SUPT3H: variants seen among roughly 807,000 people sequenced by gnomAD.
SUPT3H encodes the protein SPT3 homolog, SAGA and STAGA complex component.
Under a neutral mutation model 44.3 loss-of-function variants are expected in SUPT3H, and 44 were observed. That is an observed-to-expected ratio of 0.99 (90% CI 0.78 to 1.28). The LOEUF (loss-of-function observed/expected upper bound fraction) is 1.28. SUPT3H is among the 50% of genes most tolerant of loss of function. SUPT3H has a pLI of 0.00. For synonymous variants in SUPT3H, 124 were observed against 125.6 expected (o/e 0.99, Z 0.09); for missense variants, 380 against 387.1 (o/e 0.98, Z 0.15).
intron 6 of SUPT3H, among the ~76,000 whole-genome samples, chr6:44,971,788 C>A (rs1777607004): frequency 6.6e-6 from 1 of 152,140 alleles, no homozygotes; most frequent in South Asian, 2.1e-4. Context: ...TTTGTTTTTT[C>A]TTGAGACGGA....
intron 8 of SUPT3H, among the ~76,000 whole-genome samples, chr6:44,953,649 C>T (rs1774658414): frequency 1.3e-5 from 2 of 152,168 alleles, no homozygotes; most frequent in African/African-American, 4.8e-5. Context: ...GTCACTAGTG[C>T]AAATTTCTGG....
chr6:44,990,239 A>C (rs550574781), intron 6 of SUPT3H, among the ~76,000 whole-genome samples: 2 of 152,102 alleles, frequency 1.3e-5, no homozygotes, highest in South Asian at 4.2e-4. Context: ...TGAAGAGACT[A>C]TCCTTTCCCC....
chr6:45,376,860 T>C (rs144653261), intron 1 of SUPT3H, among the ~76,000 whole-genome samples: 489 of 152,282 alleles, frequency 3.2e-3, no homozygotes, highest in Non-Finnish European at 4.8e-3. Flanking sequence ...CATACATACA[T>C]ATATACACAT....
chr6:44,944,762 CAAAAAAAAAAAA>C (rs57506313), intron 9 of SUPT3H, among the ~76,000 whole-genome samples: 9,484 of 30,934 alleles, frequency 0.31, 1,053 homozygotes, highest in African/African-American at 0.47. Context: ...ACCCTCTCTC[CAAAAAAAAAAAA>C]AAAAAAAAAA....
chr6:45,205,579 T>C (rs1459412853), intron 2 of SUPT3H, among the ~76,000 whole-genome samples: 1 of 152,026 alleles, frequency 6.6e-6, no homozygotes, highest in Non-Finnish European at 1.5e-5. Context: ...GGCGGATCAC[T>C]TGAGGTCAGG....
intron 6 of SUPT3H, among the ~76,000 whole-genome samples, chr6:45,002,550 C>G (rs949861413): frequency 6.6e-6 from 1 of 152,014 alleles, no homozygotes; most frequent in Non-Finnish European, 1.5e-5. Context: ...TGCCACTAAA[C>G]AACCATATCC....
At chr6:45,236,989 G>A (rs1769288196) in intron 2 of SUPT3H, among the ~76,000 whole-genome samples, 1 of 152,090 alleles carries the variant, frequency 6.6e-6, no homozygotes, top group Non-Finnish European at 1.5e-5. Context: ...AGACTACAAT[G>A]GGCAAATTCA....
chr6:45,363,953 A>G (rs977436754), intron 2 of SUPT3H, among the ~76,000 whole-genome samples: 5 of 151,882 alleles, frequency 3.3e-5, no homozygotes, highest in Non-Finnish European at 5.9e-5. Flanking sequence ...TGTCTCTACT[A>G]AAAATACAAA....
At chr6:45,005,508 G>A (rs1051689156) in intron 5 of SUPT3H, among the ~76,000 whole-genome samples, 1 of 152,070 alleles carries the variant, frequency 6.6e-6, no homozygotes. Context: ...GGGAGGCTGA[G>A]GCGGGCGGAT....
chr6:45,208,468 G>A (rs1562693103), intron 2 of SUPT3H, among the ~76,000 whole-genome samples: 1 of 152,194 alleles, frequency 6.6e-6, no homozygotes, highest in African/African-American at 2.4e-5. Flanking sequence ...GCCCATGCCT[G>A]TAATCCCAGA....
intron 3 of SUPT3H, among the ~76,000 whole-genome samples, chr6:45,101,473 A>G (rs1798563875): frequency 6.6e-6 from 1 of 152,216 alleles, no homozygotes; most frequent in Non-Finnish European, 1.5e-5. Context: ...AGAGAATAGA[A>G]TAGTAGTTAC....
At chr6:45,238,481 C>T (rs1769632371) in intron 2 of SUPT3H, among the ~76,000 whole-genome samples, 1 of 152,178 alleles carries the variant, frequency 6.6e-6, no homozygotes. Context: ...AGATCCTAGT[C>T]TCACTAGCCC....
At chr6:45,237,317 G>A (rs1046187682) in intron 2 of SUPT3H, among the ~76,000 whole-genome samples, 8 of 152,176 alleles carry the variant, frequency 5.3e-5, no homozygotes, top group African/African-American at 1.7e-4. Flanking sequence ...GTTGGAGTTG[G>A]TAAAGCCCCT....
chr6:45,271,687 G>A (rs529848958), intron 2 of SUPT3H, among the ~76,000 whole-genome samples: 1 of 149,332 alleles, frequency 6.7e-6, no homozygotes, highest in African/African-American at 2.6e-5. Context: ...TACCTACTGC[G>A]GCACTCCTTG....
chr6:44,944,800 A>T (rs1773073445), intron 9 of SUPT3H, among the ~76,000 whole-genome samples: 1 of 145,228 alleles, frequency 6.9e-6, no homozygotes. Flanking sequence ...AGAAAAAAAG[A>T]TACAGACAGA....
intron 3 of SUPT3H, among the ~76,000 whole-genome samples, chr6:45,025,379 G>A (rs909516725): frequency 8.5e-5 from 13 of 152,090 alleles, no homozygotes; most frequent in African/African-American, 3.1e-4. Flanking sequence ...AATTATACAC[G>A]TAGGTCCAGA....
intron 10 of SUPT3H, among the ~76,000 whole-genome samples, chr6:44,897,709 G>C (rs1027344130): frequency 2.0e-5 from 3 of 152,064 alleles, no homozygotes; most frequent in Non-Finnish European, 4.4e-5. Flanking sequence ...CTGGTTCCTG[G>C]GGATACAACA....
intron 2 of SUPT3H, among the ~76,000 whole-genome samples, chr6:45,338,370 C>T (rs10948227): frequency 1.3e-5 from 2 of 151,776 alleles, no homozygotes; most frequent in Non-Finnish European, 2.9e-5. Context: ...TAGGCAACTT[C>T]TCAAGAAATT....
At chr6:45,049,506 T>C (rs1583251901) in intron 3 of SUPT3H, among the ~76,000 whole-genome samples, 1 of 152,212 alleles carries the variant, frequency 6.6e-6, no homozygotes, top group South Asian at 2.1e-4. Context: ...TCCCCTTTTA[T>C]TTTCCTAAGT....
Sources: allele counts gnomAD v4.1 joint callset (sites outside exome capture counted in the v4.1 genomes callset), GRCh38; gene constraint gnomAD v4.1.1; transcripts MANE v1.5; gene names NCBI Gene and HGNC (gene_info 2026-07-23, HGNC 2026-07-21).